CLINT1: variants seen among roughly 807,000 people sequenced by gnomAD.
The protein encoded by CLINT1 is clathrin interactor 1, also known as clathrin interacting protein localized in the trans-Golgi region.
Under a neutral mutation model 70.4 loss-of-function variants are expected in CLINT1, and 15 were observed. The observed-to-expected ratio is 0.21, with a 90% CI of 0.14 to 0.33. The LOEUF (loss-of-function observed/expected upper bound fraction) is 0.33, where lower values mean the gene tolerates loss of function less well. Among genes scored for constraint, CLINT1 ranks in the 10% least tolerant of loss-of-function variants. The pLI is 1.00. For synonymous variants in CLINT1, 227 were observed against 254.7 expected, an observed-to-expected ratio of 0.89 and a Z score of 1.04; for missense variants, 615 against 778.1, an observed-to-expected ratio of 0.79 and a Z score of 2.49.
chr5:157,854,225 A>G (rs1451954823), intron 1 of CLINT1, among the ~76,000 whole-genome samples: 1 of 152,218 alleles, frequency 6.6e-6, no homozygotes, highest in African/African-American at 2.4e-5. Context: ...TAATCCATTC[A>G]AGTTGTAGCA....
chr5:157,829,811 G>A (rs1763167398), intron 1 of CLINT1, among the ~76,000 whole-genome samples: 1 of 150,974 alleles, frequency 6.6e-6, no homozygotes, highest in South Asian at 2.1e-4. Flanking sequence ...CCAAAGTGCT[G>A]GGACTACAGG....
chr5:157,796,691 C>G (rs773126287), intron 8 of CLINT1, among the ~76,000 whole-genome samples: 4 of 152,194 alleles, frequency 2.6e-5, no homozygotes, highest in Non-Finnish European at 4.4e-5. Flanking sequence ...GCCCCATCTG[C>G]TACACTCAAC....
chr5:157,826,431 A>G (rs1490866829), intron 1 of CLINT1, among the ~76,000 whole-genome samples: 2 of 152,170 alleles, frequency 1.3e-5, no homozygotes, highest in Admixed American at 6.5e-5. Flanking sequence ...AAATATATGT[A>G]AAGTATTTAT....
At chr5:157,831,347 C>T (rs1294637561) in intron 1 of CLINT1, among the ~76,000 whole-genome samples, 2 of 151,828 alleles carry the variant, frequency 1.3e-5, no homozygotes, top group Non-Finnish European at 2.9e-5. Context: ...TGCCACCCTG[C>T]CCAGCTAATT....
chr5:157,817,567 A>T lies in CLINT1; in HGVS notation c.42-20T>A. On this transcript the variant is annotated intron_variant, in intron 1 of 11. Transcript: ENST00000411809. The stretch of plus-strand genomic sequence containing the variant: ...TTGGTGCTGTAGAGGAAAAAAATGC[A>T]CGCACACATGCACAAAGATTAGCAT... 1 of 1,457,086 alleles carries T rather than the reference A, an allele frequency of 6.9e-7. No individual in the cohort carries two copies. The highest frequency in any genetic ancestry group is 9.5e-7 in the Non-Finnish European group (1 of 1,052,786). The allele number at this position is 1,457,086 out of a possible 1,614,324, so 90.3% of individuals were successfully genotyped here.
intron 7 of CLINT1, among the ~76,000 whole-genome samples, chr5:157,804,647 G>A (rs974041243): frequency 6.6e-5 from 10 of 152,012 alleles, no homozygotes; most frequent in African/African-American, 1.7e-4. Flanking sequence ...TTGTACTGCC[G>A]GGCGCGGTGG....
chr5:157,799,480 A>G (rs1292364613), intron 8 of CLINT1, among the ~76,000 whole-genome samples: 1 of 152,102 alleles, frequency 6.6e-6, no homozygotes, highest in Non-Finnish European at 1.5e-5. Flanking sequence ...CAAGTCATTT[A>G]AGTTCTATCT....
intron 8 of CLINT1, chr5:157,795,879 T>C (rs1175284722): frequency 6.6e-6 from 1 of 152,024 alleles, no homozygotes; most frequent in Admixed American, 6.6e-5. Context: ...AACCTTAAAA[T>C]ATTAAACTGA....
At position 157,826,502 on chromosome 5, in the gene CLINT1, C is replaced by G. The variant is rs1763044367; in HGVS notation, c.42-8955G>C. ...TCACATTAACTACCAGCACAAGAGG[C>G]TGGCTTTCAGTCATTTTTTTTTTTT... is the stretch of plus-strand genomic sequence containing the variant. On this transcript the variant is annotated intron_variant, in intron 1 of 11. Transcript: ENST00000411809. Among the ~76,000 whole-genome samples, 15 of 141,918 alleles carry G rather than the reference C, an allele frequency of 1.1e-4. 1 individual carries two copies. In the South Asian group the frequency reaches 3.3e-3, roughly 32 times the overall value. The allele number at this position is 141,918 out of a possible 152,430, so 93.1% of individuals were successfully genotyped here.
chr5:157,857,964 GC>G (rs758121398), intron 1 of CLINT1, among the ~76,000 whole-genome samples: 16 of 152,202 alleles, frequency 1.1e-4, no homozygotes, highest in Non-Finnish European at 2.2e-4. Context: ...AATCATTAAA[GC>G]CCCAAAGGAA....
intron 1 of CLINT1, among the ~76,000 whole-genome samples, chr5:157,824,703 A>C (rs1430781634): frequency 6.6e-6 from 1 of 152,262 alleles, no homozygotes; most frequent in African/African-American, 2.4e-5. Context: ...GGAAAAGTAC[A>C]GAAGAAACAA....
intron 1 of CLINT1, among the ~76,000 whole-genome samples, chr5:157,826,254 A>T (rs1197572194): frequency 6.6e-6 from 1 of 152,062 alleles, no homozygotes; most frequent in Non-Finnish European, 1.5e-5. Flanking sequence ...TAAATTAAAG[A>T]TCCTGTGCTT....
chr5:157,800,983 C>T (rs1327437738), intron 8 of CLINT1, among the ~76,000 whole-genome samples: 3 of 152,092 alleles, frequency 2.0e-5, no homozygotes, highest in Non-Finnish European at 4.4e-5. Context: ...CCAGGAAGTC[C>T]AAAATAGTTG....
chr5:157,788,146 CTGGTTCCTCTTGAGACA>C (rs1166159459), intron 11 of CLINT1, 154 bp from the exon 12 acceptor site: 1 of 693,178 alleles, frequency 1.4e-6, no homozygotes, highest in Non-Finnish European at 2.6e-6. Context: ...TTACTCTGCA[CTGGTTCCTCTTGAGACA>C]TATATTCAGT....
At position 157,816,753 on chromosome 5, in the gene CLINT1, T is replaced by C; in HGVS notation, c.224A>G (p.Asn75Ser). ...CCATACCTTATAAACTCTTCTCCAATTCTTTTTGTTGTCTTTTAACATTCG... is the reference window on the plus strand; with the variant it reads ...CCATACCTTATAAACTCTTCTCCAACTCTTTTTGTTGTCTTTTAACATTCG... ...WSRMLKDNKKNWRRVYKSLLL... is the reference protein window; with the variant it reads ...WSRMLKDNKKSWRRVYKSLLL... The change falls in exon 3 of 12, where the codon AAT becomes AGT. Residue 75 changes from asparagine to serine, a missense_variant. Physicochemically the swap from Asn to Ser is conservative, Grantham distance 46. This residue lies in a region of CLINT1 where 241 missense variants were observed against 368.6 expected (regional missense o/e 0.65). Coordinates refer to ENST00000411809, the MANE Select transcript of CLINT1 (RefSeq NM_014666.4). 6.2e-7 allele frequency: 1 copy of C among 1,609,626 alleles called. No homozygotes were observed. Among genetic ancestry groups the C allele is most frequent in the South Asian group, 1.1e-5 (1 of 90,250 alleles).
chr5:157,852,659 A>C (rs1441153942), intron 1 of CLINT1, among the ~76,000 whole-genome samples: 1 of 152,252 alleles, frequency 6.6e-6, no homozygotes, highest in Non-Finnish European at 1.5e-5. Context: ...ACAGAGAAAT[A>C]AAGATACCAT....
At chr5:157,856,059 T>C (rs79526599) in intron 1 of CLINT1, among the ~76,000 whole-genome samples, 2 of 152,232 alleles carry the variant, frequency 1.3e-5, no homozygotes, top group Non-Finnish European at 2.9e-5. Context: ...TCACTGGGTA[T>C]CAATATACAC....
intron 1 of CLINT1, among the ~76,000 whole-genome samples, chr5:157,839,526 T>C (rs549540275): frequency 1.3e-5 from 2 of 151,134 alleles, no homozygotes; most frequent in African/African-American, 4.9e-5. Context: ...GGCTTGAACC[T>C]GGGAGGTGGA....
At chr5:157,816,698 A>G in intron 3 of CLINT1, 36 bp downstream of exon 3, 1 of 1,438,692 alleles carries the variant, frequency 7.0e-7, no homozygotes, top group Non-Finnish European at 9.7e-7. Context: ...TTTGTTTTCA[A>G]CATGTCAAGT....
Sources: allele counts gnomAD v4.1 joint callset (sites outside exome capture counted in the v4.1 genomes callset), GRCh38; gene constraint gnomAD v4.1.1; regional missense constraint gnomAD v4.1.1; transcripts MANE v1.5; gene names NCBI Gene and HGNC (gene_info 2026-07-23, HGNC 2026-07-21).